The following CNBD1 variants were observed in gnomAD, a reference collection of about 807,000 sequenced individuals.
CNBD1 encodes cyclic nucleotide binding domain containing 1, also known as cyclic nucleotide-binding domain-containing protein 1.
Under a neutral mutation model 54.4 loss-of-function variants are expected in CNBD1, and 71 were observed. The observed-to-expected ratio is 1.30, with a 90% confidence interval of 1.08 to 1.59. The LOEUF (loss-of-function observed/expected upper bound fraction) is 1.59. CNBD1 is among the 40% of genes most tolerant of loss of function. The pLI is 0.00. For synonymous variants in CNBD1, 182 were observed against 170.7 expected (o/e 1.07, Z -0.51); for missense variants, 659 against 518.0 (o/e 1.27, Z -2.64).
intron 4 of CNBD1, among the ~76,000 whole-genome samples, chr8:86,995,588 T>C (rs1207994733): frequency 1.3e-5 from 2 of 152,128 alleles, no homozygotes; most frequent in Non-Finnish European, 2.9e-5. Flanking sequence ...AAGGGGATTA[T>C]ATACCAGATA....
At chr8:87,325,680 T>A (rs1800147753) in intron 8 of CNBD1, among the ~76,000 whole-genome samples, 1 of 141,036 alleles carries the variant, frequency 7.1e-6, no homozygotes, top group South Asian at 2.2e-4. Flanking sequence ...ATCCTTTTAT[T>A]TTGAGCCCAT....
chr8:87,244,301 CT>C (rs1158940564), intron 6 of CNBD1, among the ~76,000 whole-genome samples: 1 of 152,162 alleles, frequency 6.6e-6, no homozygotes, highest in African/African-American at 2.4e-5. Flanking sequence ...ATGCATCTAT[CT>C]CAATGAGCAG....
intron 4 of CNBD1, among the ~76,000 whole-genome samples, chr8:87,192,814 C>T (rs962723267): frequency 9.2e-5 from 14 of 152,086 alleles, no homozygotes; most frequent in Non-Finnish European, 7.4e-5. Context: ...AGCATAGTCC[C>T]GCTTTTATTA....
chr8:87,321,985 G>A (rs962487729), intron 8 of CNBD1, among the ~76,000 whole-genome samples: 43 of 144,774 alleles, frequency 3.0e-4, no homozygotes, highest in Non-Finnish European at 1.2e-4. Context: ...CCCAGAGTGT[G>A]ATATTCCCCT....
At chr8:87,391,716 T>C (rs1392205479) in intron 2 of CNBD1, among the ~76,000 whole-genome samples, 1 of 152,080 alleles carries the variant, frequency 6.6e-6, no homozygotes, top group Non-Finnish European at 1.5e-5. Flanking sequence ...GACTTAATTG[T>C]AAGAACTAAA....
At chr8:87,391,217 T>A (rs1359312352) in intron 2 of CNBD1, among the ~76,000 whole-genome samples, 1 of 151,940 alleles carries the variant, frequency 6.6e-6, no homozygotes, top group African/African-American at 2.4e-5. Context: ...GTTGTGCACA[T>A]GTACCCTAAA....
intron 4 of CNBD1, among the ~76,000 whole-genome samples, chr8:87,186,685 TTC>T (rs879599038): frequency 3.9e-5 from 6 of 151,988 alleles, no homozygotes; most frequent in Admixed American, 6.6e-5. Flanking sequence ...TATTTTAAAT[TTC>T]TTTTTGAATT....
intron 2 of CNBD1, among the ~76,000 whole-genome samples, chr8:87,419,518 G>A (rs528503868): frequency 6.6e-6 from 1 of 151,840 alleles, no homozygotes; most frequent in African/African-American, 2.4e-5. Flanking sequence ...TATAGAAATT[G>A]TTCCTATGCC....
chr8:87,414,616 T>C (rs969215757), intron 2 of CNBD1, among the ~76,000 whole-genome samples: 3 of 152,064 alleles, frequency 2.0e-5, no homozygotes, highest in Non-Finnish European at 4.4e-5. Flanking sequence ...TGCTACAACT[T>C]ATATCATGTA....
At chr8:87,283,286 AG>A (rs1270401700) in intron 6 of CNBD1, among the ~76,000 whole-genome samples, 1 of 151,992 alleles carries the variant, frequency 6.6e-6, no homozygotes, top group African/African-American at 2.4e-5. Context: ...TGATTTTTAT[AG>A]TCTACACATT....
At chr8:87,381,589 C>T (rs76197645) in intron 10 of CNBD1, among the ~76,000 whole-genome samples, 2,871 of 151,898 alleles carry the variant, frequency 0.019, 92 homozygotes, top group African/African-American at 0.063. Flanking sequence ...TTAATTGCAG[C>T]ATTATGCATA....
At chr8:86,978,822 C>T (rs1386388749) in intron 4 of CNBD1, among the ~76,000 whole-genome samples, 5 of 152,098 alleles carry the variant, frequency 3.3e-5, no homozygotes, top group East Asian at 1.9e-4. Flanking sequence ...GCGTGACCCA[C>T]CATCTCCAGC....
At chr8:87,404,126 A>C (rs564946316) in intron 2 of CNBD1, among the ~76,000 whole-genome samples, 62 of 152,190 alleles carry the variant, frequency 4.1e-4, no homozygotes, top group African/African-American at 1.4e-3. Flanking sequence ...GAGAAGAAGG[A>C]GACAGCAGGG....
intron 4 of CNBD1, among the ~76,000 whole-genome samples, chr8:87,023,312 A>G (rs1174275271): frequency 6.6e-6 from 1 of 152,230 alleles, no homozygotes; most frequent in Non-Finnish European, 1.5e-5. Context: ...GAATAAACAT[A>G]GAATATTCCA....
intron 4 of CNBD1, among the ~76,000 whole-genome samples, chr8:87,072,518 T>C (rs1346496892): frequency 1.3e-5 from 2 of 152,214 alleles, no homozygotes; most frequent in Non-Finnish European, 1.5e-5. Flanking sequence ...AAGAATTTCC[T>C]TAGCATTTGC....
intron 8 of CNBD1, among the ~76,000 whole-genome samples, chr8:87,328,114 G>T (rs926353251): frequency 2.0e-5 from 3 of 151,990 alleles, no homozygotes; most frequent in African/African-American, 7.2e-5. Context: ...TTAGGTGTTT[G>T]TCCTGATGCT....
chr8:87,157,831 A>G (rs1586296433), intron 4 of CNBD1, among the ~76,000 whole-genome samples: 1 of 152,284 alleles, frequency 6.6e-6, no homozygotes, highest in South Asian at 2.1e-4. Flanking sequence ...CTGAAATGCA[A>G]AAGAATGTTT....
intron 4 of CNBD1, among the ~76,000 whole-genome samples, chr8:87,029,105 A>G (rs1204595363): frequency 1.3e-5 from 2 of 152,190 alleles, no homozygotes; most frequent in Admixed American, 6.5e-5. Flanking sequence ...TCTTCAATAG[A>G]AGGTGATTTG....
intron 6 of CNBD1, among the ~76,000 whole-genome samples, chr8:87,247,607 T>A (rs915022662): frequency 6.9e-6 from 1 of 144,236 alleles, no homozygotes; most frequent in Non-Finnish European, 1.5e-5. Flanking sequence ...CACTGAAATA[T>A]GCTGCCAGGG....
Sources: gnomAD v4.1 joint callset for allele counts (sites outside exome capture counted in the v4.1 genomes callset) on GRCh38, gnomAD v4.1.1 for gene constraint, MANE v1.5 for transcripts, NCBI Gene and HGNC (gene_info 2026-07-23, HGNC 2026-07-21) for gene names.